The following KIAA0319L variants were observed in gnomAD, a reference collection of about 807,000 sequenced individuals.
KIAA0319L encodes the protein dyslexia-associated protein KIAA0319-like protein.
In KIAA0319L, 55 loss-of-function variants were observed where a neutral mutation model predicts 120.1. The ratio of observed to expected loss-of-function variants is 0.46; its 90% CI spans 0.37 to 0.57. The LOEUF (loss-of-function observed/expected upper bound fraction) is 0.57, where lower values mean the gene tolerates loss of function less well. Ranked by LOEUF, KIAA0319L falls within the 20% of genes least tolerant of loss-of-function variation. The pLI is 0.00. For missense variants in KIAA0319L, 1,049 were observed against 1,255.3 expected (o/e 0.84, Z 2.48); for synonymous variants, 398 against 471.9 (o/e 0.84, Z 2.03).
At chr1:35,466,580 G>A in intron 7 of KIAA0319L, 28 bp downstream of exon 7, 3 of 1,511,400 alleles carry the variant, frequency 2.0e-6, no homozygotes, top group Non-Finnish European at 2.8e-6. Flanking sequence ...AGGGAGGAAG[G>A]GAGACACAGC....
At chr1:35,458,894 CTTG>C (rs941532896) in intron 9 of KIAA0319L, among the ~76,000 whole-genome samples, 3 of 151,746 alleles carry the variant, frequency 2.0e-5, no homozygotes, top group African/African-American at 7.3e-5. Context: ...AGGCTCCAAT[CTTG>C]TTGTACTGGC....
intron 2 of KIAA0319L, among the ~76,000 whole-genome samples, chr1:35,547,154 T>C (rs952953736): frequency 1.4e-5 from 2 of 146,366 alleles, no homozygotes; most frequent in Non-Finnish European, 3.0e-5. Flanking sequence ...AATATATACA[T>C]ATATAATTAC....
At chr1:35,458,309 T>TG (rs2149101906) in intron 9 of KIAA0319L, among the ~76,000 whole-genome samples, 1 of 152,268 alleles carries the variant, frequency 6.6e-6, no homozygotes, top group East Asian at 1.9e-4. Context: ...GACGGCAAAA[T>TG]GGCAGCTGCC....
chr1:35,449,944 G>A lies in KIAA0319L; in HGVS notation c.2276C>T (p.Thr759Ile). Residue 759 changes from threonine (T) to isoleucine (I), a missense_variant, in exon 15 of 21, where the codon ACC becomes ATC. Coordinates refer to ENST00000325722, the MANE Select transcript of KIAA0319L (RefSeq NM_024874.5). ...ILFLSNLVEG[T>I]YTFHLKVTDA... ...GGTCACTTTCAGGTGAAAAGTGTAG[G>A]TTCCCTCAACCAGGTTTGAAAGAAA... is the stretch of plus-strand genomic sequence containing the variant. 2 of 1,614,134 alleles carry A rather than the reference G, an allele frequency of 1.2e-6. No individual in the cohort carries two copies. The highest frequency in any genetic ancestry group is 1.7e-6 in the Non-Finnish European group (2 of 1,180,006).
intron 2 of KIAA0319L, among the ~76,000 whole-genome samples, chr1:35,526,406 T>TAC (rs1646143944): frequency 7.1e-6 from 1 of 141,500 alleles, no homozygotes; most frequent in East Asian, 2.0e-4. Context: ...TATATATATA[T>TAC]ATATACACAC....
At chr1:35,525,712 G>C (rs1180974652) in intron 2 of KIAA0319L, among the ~76,000 whole-genome samples, 3 of 151,984 alleles carry the variant, frequency 2.0e-5, no homozygotes, top group Non-Finnish European at 2.9e-5. Flanking sequence ...TTGAGTTGTT[G>C]GAATTGTGTA....
chr1:35,472,956 C>T (rs1203142), intron 5 of KIAA0319L, among the ~76,000 whole-genome samples: 12,628 of 148,842 alleles, frequency 0.085, 1,168 homozygotes, highest in East Asian at 0.26. Context: ...GCCTGGCTTA[C>T]TTTTAGTAGA....
intron 2 of KIAA0319L, among the ~76,000 whole-genome samples, chr1:35,548,023 G>T (rs992845967): frequency 6.6e-6 from 1 of 151,760 alleles, no homozygotes; most frequent in Non-Finnish European, 1.5e-5. Context: ...CGGGAGGCTG[G>T]GGTAGGAGAA....
intron 9 of KIAA0319L, among the ~76,000 whole-genome samples, chr1:35,458,998 AGGATACTCATTTCTGTGTCTCT>A (rs1445063690): frequency 6.6e-6 from 1 of 152,228 alleles, no homozygotes; most frequent in Non-Finnish European, 1.5e-5. Flanking sequence ...GTATTGTGCT[AGGATACTCATTTCTGTGTCTCT>A]GGCACCATCT....
At chr1:35,520,831 T>C (rs1645881838) in intron 2 of KIAA0319L, among the ~76,000 whole-genome samples, 1 of 152,094 alleles carries the variant, frequency 6.6e-6, no homozygotes, top group Admixed American at 6.6e-5. Context: ...GAGACAGAGA[T>C]TAAAAGACAA....
chr1:35,447,574 CTTT>C (rs113794462), intron 16 of KIAA0319L, among the ~76,000 whole-genome samples: 1 of 141,258 alleles, frequency 7.1e-6, no homozygotes. Context: ...CTTTTTTTTT[CTTT>C]TTTTTTTTTT....
intron 2 of KIAA0319L, among the ~76,000 whole-genome samples, chr1:35,552,625 G>A (rs1158618880): frequency 1.3e-5 from 2 of 152,158 alleles, no homozygotes; most frequent in African/African-American, 4.8e-5. Context: ...TGTGGTAGGT[G>A]TGCTTCAAAA....
intron 6 of KIAA0319L, among the ~76,000 whole-genome samples, chr1:35,468,324 T>C (rs1301661117): frequency 6.6e-6 from 1 of 152,124 alleles, no homozygotes; most frequent in Admixed American, 6.5e-5. Context: ...ATGATGGGTG[T>C]TCCCAGGATT....
At chr1:35,505,010 C>T (rs1030900768) in intron 3 of KIAA0319L, among the ~76,000 whole-genome samples, 5 of 152,194 alleles carry the variant, frequency 3.3e-5, no homozygotes, top group Middle Eastern at 3.4e-3. Context: ...GTTTCTTTTC[C>T]GAATTCCTAC....
At chr1:35,505,401 C>A (rs1296924824) in intron 3 of KIAA0319L, among the ~76,000 whole-genome samples, 1 of 152,190 alleles carries the variant, frequency 6.6e-6, no homozygotes, top group African/African-American at 2.4e-5. Context: ...AAATGTTAAA[C>A]ATCTCGGAGA....
chr1:35,539,698 T>C (rs1426722587), intron 2 of KIAA0319L, among the ~76,000 whole-genome samples: 1 of 152,212 alleles, frequency 6.6e-6, no homozygotes, highest in Non-Finnish European at 1.5e-5. Context: ...GCTTCATTTA[T>C]TCTGATTAAG....
chr1:35,503,790 T>C (rs1266019287), intron 3 of KIAA0319L, among the ~76,000 whole-genome samples: 1 of 152,070 alleles, frequency 6.6e-6, no homozygotes, highest in African/African-American at 2.4e-5. Context: ...CAACTACTCC[T>C]CTTCCTCAGC....
intron 9 of KIAA0319L, 22 bp downstream of exon 9, chr1:35,460,283 T>C (rs376083123): frequency 3.1e-6 from 5 of 1,605,154 alleles, no homozygotes; most frequent in South Asian, 2.2e-5. Flanking sequence ...TATGGTAAAC[T>C]TGAAGCTGAA....
chr1:35,454,743 G>A (rs969580622), intron 10 of KIAA0319L: 1 of 674,194 alleles, frequency 1.5e-6, no homozygotes, highest in Non-Finnish European at 2.1e-6. Context: ...TCATAAGAGA[G>A]GGCAGTATTG....
Sources: gnomAD v4.1 joint callset for allele counts (sites outside exome capture counted in the v4.1 genomes callset) on GRCh38, gnomAD v4.1.1 for gene constraint, MANE v1.5 for transcripts, NCBI Gene and HGNC (gene_info 2026-07-23, HGNC 2026-07-21) for gene names.